The following KDM4C variants were observed in gnomAD, a reference collection of about 807,000 sequenced individuals.
The protein encoded by KDM4C is lysine demethylase 4C.
KDM4C carries 81 observed loss-of-function variants against 129.3 expected under a neutral mutation model. The ratio of observed to expected loss-of-function variants is 0.63; its 90% CI spans 0.52 to 0.75. The LOEUF (loss-of-function observed/expected upper bound fraction) is 0.75, where lower values mean the gene tolerates loss of function less well. Among genes scored for constraint, KDM4C ranks in the 30% least tolerant of loss-of-function variants. The pLI is 0.00. For missense variants in KDM4C, 1,457 were observed against 1,304.0 expected, an observed-to-expected ratio of 1.12 and a Z score of -1.81; for synonymous variants, 573 against 456.1, an observed-to-expected ratio of 1.26 and a Z score of -3.26.
At chr9:7,130,987 T>A (rs1453700650) in intron 19 of KDM4C, among the ~76,000 whole-genome samples, 1 of 151,714 alleles carries the variant, frequency 6.6e-6, no homozygotes, top group Non-Finnish European at 1.5e-5. Context: ...CGGGCTGGTC[T>A]CAAACTCTTG....
chr9:7,028,863 T>G (rs1472042224), intron 15 of KDM4C, among the ~76,000 whole-genome samples: 1 of 152,104 alleles, frequency 6.6e-6, no homozygotes, highest in Non-Finnish European at 1.5e-5. Context: ...TTCAGTGCAT[T>G]CTCTTACAAT....
chr9:6,999,747 G>C (rs766409564), intron 12 of KDM4C, among the ~76,000 whole-genome samples: 1 of 33,492 alleles, frequency 3.0e-5, no homozygotes, highest in African/African-American at 1.2e-4. Flanking sequence ...AGGGTAGGCA[G>C]GCTGCGACTT....
intron 1 of KDM4C, among the ~76,000 whole-genome samples, chr9:6,764,259 T>C (rs1047829356): frequency 9.2e-5 from 14 of 152,212 alleles, no homozygotes; most frequent in African/African-American, 3.4e-4. Context: ...GAGAACAGAA[T>C]ATAGCATTAG....
chr9:7,129,755 A>G (rs1052535353), intron 19 of KDM4C, among the ~76,000 whole-genome samples: 1 of 152,204 alleles, frequency 6.6e-6, no homozygotes, highest in Non-Finnish European at 1.5e-5. Flanking sequence ...GGCTGGAAGA[A>G]TAAGTAACAC....
At chr9:7,132,492 A>G (rs899608396) in intron 19 of KDM4C, among the ~76,000 whole-genome samples, 19 of 152,212 alleles carry the variant, frequency 1.2e-4, no homozygotes, top group Admixed American at 2.0e-4. Flanking sequence ...TTCTTTCTCA[A>G]CAATGCACCT....
In KDM4C at chr9:6,782,266, G is replaced by A. The variant is rs575433221; in HGVS notation, c.-17-10706G>A. ...GAGTGTTGCCCAAAAAGCTTCATAAGGGAGTCAACGTGTAAGATAAAGTTG... is the reference window on the plus strand; with the variant it reads ...GAGTGTTGCCCAAAAAGCTTCATAAAGGAGTCAACGTGTAAGATAAAGTTG... On this transcript the variant is annotated intron_variant, in intron 1 of 21. Transcript: ENST00000381309. Among the ~76,000 whole-genome samples the A allele has an allele frequency of 2.0e-4, 30 of 152,316 alleles. No homozygotes were observed. The South Asian group carries it at 5.4e-3, about 27-fold the overall frequency.
Position 7,174,537 on chromosome 9 carries a change from C to T in KDM4C, c.2995-16C>T. The stretch of plus-strand genomic sequence containing the variant: ...AATGCCGTGCCCTTTTGCAATATAA[C>T]ACCAGCTGCTTTTAGTCCACAGCCT... On this transcript the variant is annotated splice_polypyrimidine_tract_variant and intron_variant, in intron 21 of 21. Coordinates refer to ENST00000381309, the MANE Select transcript of KDM4C (RefSeq NM_015061.6). 6.2e-7 allele frequency: 1 copy of T among 1,613,262 alleles called. No homozygotes were observed. Among genetic ancestry groups the T allele is most frequent in the East Asian group, 2.2e-5 (1 of 44,884 alleles).
At chr9:7,087,756 A>G (rs1835304148) in intron 17 of KDM4C, among the ~76,000 whole-genome samples, 1 of 152,240 alleles carries the variant, frequency 6.6e-6, no homozygotes, top group Non-Finnish European at 1.5e-5. Context: ...TGATGGAGTT[A>G]TCAAATGACA....
chr9:7,099,821 G>T (rs945460570), intron 17 of KDM4C, among the ~76,000 whole-genome samples: 1 of 152,224 alleles, frequency 6.6e-6, no homozygotes, highest in Non-Finnish European at 1.5e-5. Context: ...CAGCTCCCTG[G>T]AGTCCAGTGC....
chr9:7,164,671 G>A (rs1285489896), intron 19 of KDM4C, among the ~76,000 whole-genome samples: 5 of 152,102 alleles, frequency 3.3e-5, no homozygotes, highest in African/African-American at 9.7e-5. Flanking sequence ...GGCTTCAATC[G>A]CACGCCATTT....
At chr9:7,173,101 C>T (rs1374838978) in intron 21 of KDM4C, among the ~76,000 whole-genome samples, 9 of 152,298 alleles carry the variant, frequency 5.9e-5, no homozygotes, top group Non-Finnish European at 1.3e-4. Context: ...GTACACAGTC[C>T]CTAATATCCT....
rs1457521627 is a variant in KDM4C, at chr9:6,758,380, C to T, written c.-18+177C>T. Among the ~76,000 whole-genome samples, 1 of 152,118 alleles carries T rather than the reference C, an allele frequency of 6.6e-6. No individual in the cohort carries two copies. Among genetic ancestry groups the T allele is most frequent in the Non-Finnish European group, 1.5e-5 (1 of 67,988 alleles). ...GACTGTCAAGCTGGGGAGGGAGCGG[C>T]CGGCCGCGGCCGCAGGGGAGGGATG... On this transcript the variant is annotated intron_variant, in intron 1 of 21. Transcript: ENST00000381309. The surrounding 1 kb of genome is among the most constrained non-coding windows in gnomAD (Gnocchi z 4.6).
chr9:6,881,332 G>T (rs181615875), intron 6 of KDM4C, among the ~76,000 whole-genome samples: 3 of 152,296 alleles, frequency 2.0e-5, no homozygotes, highest in East Asian at 3.9e-4. Context: ...ATACATAATA[G>T]TAATAATAGC....
chr9:6,731,843 T>A (rs1049313049), intron 1 of KDM4C, among the ~76,000 whole-genome samples: 2 of 152,196 alleles, frequency 1.3e-5, no homozygotes, highest in African/African-American at 4.8e-5. Context: ...ATTTATAGGT[T>A]ACTGTGTCCT....
intron 8 of KDM4C, among the ~76,000 whole-genome samples, chr9:6,900,190 G>T (rs1256848342): frequency 6.6e-6 from 1 of 152,144 alleles, no homozygotes; most frequent in Non-Finnish European, 1.5e-5. Flanking sequence ...CATTTTCAGG[G>T]TGGTCCTATA....
At chr9:6,771,158 G>C (rs1822539299) in intron 1 of KDM4C, among the ~76,000 whole-genome samples, 1 of 133,052 alleles carries the variant, frequency 7.5e-6, no homozygotes, top group Admixed American at 8.5e-5. Context: ...AAACTCCTGA[G>C]CTCAAGTGAT....
At chr9:6,831,637 C>A (rs72701430) in intron 4 of KDM4C, among the ~76,000 whole-genome samples, 2 of 152,060 alleles carry the variant, frequency 1.3e-5, no homozygotes, top group East Asian at 1.9e-4. Context: ...CCAGCGCACC[C>A]GGCCTATGAT....
intron 17 of KDM4C, among the ~76,000 whole-genome samples, chr9:7,067,485 G>T (rs1183442822): frequency 2.0e-5 from 3 of 152,164 alleles, no homozygotes. Flanking sequence ...GACAGACCAA[G>T]CTCAGAGTTT....
intron 8 of KDM4C, among the ~76,000 whole-genome samples, chr9:6,967,942 T>G (rs1399066069): frequency 6.6e-6 from 1 of 152,214 alleles, no homozygotes; most frequent in Non-Finnish European, 1.5e-5. Context: ...AGTAGGGATA[T>G]TAATAGTTTC....
Sources: gnomAD v4.1 joint callset for allele counts (sites outside exome capture counted in the v4.1 genomes callset) on GRCh38, gnomAD v4.1.1 for gene constraint, Gnocchi (gnomAD v3.1) non-coding constraint, MANE v1.5 for transcripts, NCBI Gene and HGNC (gene_info 2026-07-23, HGNC 2026-07-21) for gene names.